The following CHTF8 variants were observed in gnomAD, a reference collection of about 807,000 sequenced individuals.
CHTF8 encodes the protein chromosome transmission fidelity protein 8 homolog.
Under a neutral mutation model 11.0 loss-of-function variants are expected in CHTF8, and 6 were observed. The ratio of observed to expected loss-of-function variants is 0.55; its 90% CI spans 0.30 to 1.08. CHTF8 has a LOEUF of 1.08. Ranked by LOEUF, CHTF8 falls within the 50% of genes least tolerant of loss-of-function variation. The pLI, the probability that CHTF8 is intolerant of heterozygous loss-of-function variation, is 0.07. For missense variants in CHTF8, 140 were observed against 153.1 expected, an observed-to-expected ratio of 0.91 and a Z score of 0.45; for synonymous variants, 53 against 60.5, an observed-to-expected ratio of 0.88 and a Z score of 0.57.
In CHTF8 at chr16:69,120,700, C is replaced by T. The variant is rs934473496; in HGVS notation, c.142-51G>A. The T allele has an allele frequency of 2.7e-6, 4 of 1,493,248 alleles. No homozygotes were observed. The South Asian group carries it at 4.8e-5, about 18-fold the overall frequency. 92.5% of individuals were successfully genotyped at this position (1,493,248 alleles called of 1,614,324 possible). On this transcript the variant is annotated intron_variant, in intron 3 of 3. Coordinates refer to ENST00000448552, the MANE Select transcript of CHTF8 (RefSeq NM_001039690.5). The surrounding 1 kb of genome is among the most constrained non-coding windows in gnomAD (Gnocchi z 4.0). ...CTGAGGTTCCGGGGCAAGGCCATAA[C>T]ACTCAGGCGCCTCCTAAAGCTGCTC...
In CHTF8 at chr16:69,120,518, G is replaced by A. The variant is rs1358330588; in HGVS notation, c.273C>T (p.Gly91=). 4 of 1,613,992 alleles carry A rather than the reference G, an allele frequency of 2.5e-6. No homozygotes were observed. Among genetic ancestry groups the A allele is most frequent in the African/African-American group, 2.7e-5 (2 of 74,892 alleles). The change falls in exon 4 of 4, where the codon GGC becomes GGT. Residue 91 remains glycine, a synonymous_variant. Coordinates refer to ENST00000448552, the MANE Select transcript of CHTF8 (RefSeq NM_001039690.5). This position sits in a 1 kb window ranked among gnomAD's most constrained non-coding sequence, Gnocchi z 4.0. ...QDCDELGRET[G]TRYLVTALIK... ...TGAGTGCTGTCACCAGGTACCGGGT[G>A]CCAGTCTCGCGGCCAAGCTCATCAC...
chr16:69,125,782 G>A (rs1962019956), intron 1 of CHTF8, among the ~76,000 whole-genome samples: 1 of 152,140 alleles, frequency 6.6e-6, no homozygotes, highest in Admixed American at 6.5e-5. Flanking sequence ...AAATCAGAAG[G>A]CCTAAATTTA....
At position 69,120,069 on chromosome 16, in the gene CHTF8, C is replaced by T. The variant is rs1276600970; in HGVS notation, c.*356G>A. 1.4e-6 allele frequency: 1 copy of T among 691,328 alleles called. No individual in the cohort carries two copies. The highest frequency in any genetic ancestry group is 1.5e-5 in the South Asian group (1 of 66,620). 42.8% of individuals were successfully genotyped at this position (691,328 alleles called of 1,614,324 possible). On this transcript the variant is annotated 3_prime_UTR_variant, in exon 4 of 4. Transcript: ENST00000448552. The surrounding 1 kb of genome is among the most constrained non-coding windows in gnomAD (Gnocchi z 4.0). ...GGGTGGGGCCTGGGCCTGGGCCTGG[C>T]CCCAAGAGGCCACCAGGCCTTGGGA...
Position 69,118,590 on chromosome 16 carries a change from G to A in CHTF8, c.*1835C>T. Reference sequence around the variant, plus strand: ...AGAAACAATGGGCAGAAAGCTGTGGGACGAAAGCACAGCAGGCTTCTGGGA... The same window carrying A: ...AGAAACAATGGGCAGAAAGCTGTGGAACGAAAGCACAGCAGGCTTCTGGGA... On this transcript the variant is annotated 3_prime_UTR_variant, in exon 4 of 4. Coordinates refer to ENST00000448552, the MANE Select transcript of CHTF8 (RefSeq NM_001039690.5). 2.7e-6 allele frequency: 2 copies of A among 728,608 alleles called. No homozygotes were observed. Among genetic ancestry groups the A allele is most frequent in the Non-Finnish European group, 5.0e-6 (2 of 400,820 alleles). The allele number at this position is 728,608 out of a possible 1,614,324, so 45.1% of individuals were successfully genotyped here. A position where few individuals can be genotyped will look rare whatever the true frequency, so the allele number is the denominator to read the frequency against.
intron 1 of CHTF8, among the ~76,000 whole-genome samples, chr16:69,128,803 C>T (rs1041945502): frequency 1.3e-5 from 2 of 152,174 alleles, no homozygotes; most frequent in African/African-American, 4.8e-5. Flanking sequence ...CGGTGGCTCA[C>T]GTCTATAATC....
Position 69,119,601 on chromosome 16 carries a change from G to A in CHTF8, c.*824C>T. On this transcript the variant is annotated 3_prime_UTR_variant, in exon 4 of 4. Coordinates refer to ENST00000448552, the MANE Select transcript of CHTF8 (RefSeq NM_001039690.5). ...AAAGACCTGCTGCTCTTAGAATGGG[G>A]GCAAGATCGAGGCCTTGAGGTCCAG... 1.4e-6 allele frequency: 1 copy of A among 699,634 alleles called. No homozygotes were observed. The highest frequency in any genetic ancestry group is 2.6e-6 in the Non-Finnish European group (1 of 382,884). The allele number at this position is 699,634 out of a possible 1,614,324, so 43.3% of individuals were successfully genotyped here. A position where few individuals can be genotyped will look rare whatever the true frequency, so the allele number is the denominator to read the frequency against.
intron 1 of CHTF8, among the ~76,000 whole-genome samples, chr16:69,128,716 T>C (rs954526942): frequency 3.9e-5 from 6 of 152,132 alleles, no homozygotes; most frequent in African/African-American, 1.2e-4. Flanking sequence ...CTCTAGAATA[T>C]ACCTTATTTA....
At chr16:69,128,182 G>A (rs193150613) in intron 1 of CHTF8, among the ~76,000 whole-genome samples, 5 of 152,282 alleles carry the variant, frequency 3.3e-5, no homozygotes, top group Non-Finnish European at 5.9e-5. Context: ...CAAAGTGCCA[G>A]GATTACAGGC....
At chr16:69,129,456 A>T (rs1962337538) in intron 1 of CHTF8, among the ~76,000 whole-genome samples, 1 of 151,718 alleles carries the variant, frequency 6.6e-6, no homozygotes, top group Admixed American at 6.6e-5. Flanking sequence ...AAAAAGGAAG[A>T]AAAGTAAAGT....
At chr16:69,130,015 A>C (rs1392324553) in intron 1 of CHTF8, among the ~76,000 whole-genome samples, 3 of 152,284 alleles carry the variant, frequency 2.0e-5, no homozygotes, top group Admixed American at 2.0e-4. Context: ...TCAAGAGAAT[A>C]GAGGACATTC....
chr16:69,129,181 A>G (rs1962308157), intron 1 of CHTF8, among the ~76,000 whole-genome samples: 1 of 152,178 alleles, frequency 6.6e-6, no homozygotes, highest in East Asian at 1.9e-4. Flanking sequence ...CTGTAATCCC[A>G]GCACTTTGGG....
At chr16:69,124,953 G>T (rs1961951347) in intron 1 of CHTF8, among the ~76,000 whole-genome samples, 1 of 152,026 alleles carries the variant, frequency 6.6e-6, no homozygotes, top group Admixed American at 6.6e-5. Flanking sequence ...TGCCCAGGCT[G>T]GAGTGCAATG....
chr16:69,127,601 C>CTTTTTTTTTTTT (rs71383961), intron 1 of CHTF8, among the ~76,000 whole-genome samples: 3 of 104,392 alleles, frequency 2.9e-5, no homozygotes, highest in African/African-American at 3.8e-5. Flanking sequence ...CTCCCGGCAA[C>CTTTTTTTTTTTT]TTTTTTTTTT....
At chr16:69,128,782 C>A (rs1424304453) in intron 1 of CHTF8, among the ~76,000 whole-genome samples, 6 of 151,838 alleles carry the variant, frequency 4.0e-5, no homozygotes, top group African/African-American at 1.2e-4. Context: ...TTATAAAAAA[C>A]CCGCCAGGCA....
intron 1 of CHTF8, among the ~76,000 whole-genome samples, chr16:69,124,423 A>T (rs1208228369): frequency 1.3e-5 from 2 of 149,968 alleles, no homozygotes; most frequent in African/African-American, 2.4e-5. Flanking sequence ...TGTTAAACAG[A>T]TTTTTTTTTT....
intron 1 of CHTF8, among the ~76,000 whole-genome samples, chr16:69,129,339 A>T (rs1196766300): frequency 1.3e-5 from 2 of 148,160 alleles, no homozygotes; most frequent in East Asian, 4.2e-4. Flanking sequence ...CTGAGGCAGG[A>T]GAATGGCGTG....
chr16:69,118,722 T>C lies in CHTF8; in HGVS notation c.*1703A>G. ...TCAAGAAAAACGCAAAGGAAAAAGA[T>C]GGCTCATTTGAACTTGAGCCCAAGC... On this transcript the variant is annotated 3_prime_UTR_variant, in exon 4 of 4. Coordinates refer to ENST00000448552, the MANE Select transcript of CHTF8 (RefSeq NM_001039690.5). 3.1e-6 allele frequency: 2 copies of C among 643,738 alleles called. No individual in the cohort carries two copies. The highest frequency in any genetic ancestry group is 2.4e-5 in the Admixed American group (1 of 41,552). 39.9% of individuals were successfully genotyped at this position (643,738 alleles called of 1,614,324 possible).
At position 69,121,145 on chromosome 16, in the gene CHTF8, A is replaced by T; in HGVS notation, c.49T>A (p.Trp17Arg). 2 of 1,613,306 alleles carry T rather than the reference A, an allele frequency of 1.2e-6. No homozygotes were observed. The highest frequency in any genetic ancestry group is 1.7e-6 in the Non-Finnish European group (2 of 1,179,964). Residue 17 changes from tryptophan to arginine, a missense_variant, in exon 3 of 4, where the codon TGG becomes AGG. Coordinates refer to ENST00000448552, the MANE Select transcript of CHTF8 (RefSeq NM_001039690.5). The part of the protein sequence containing the change: ...SSARAGGLAE[W>R]VLMELQGEIE... ...TCCCCCTGTAGCTCCATCAGCACCC[A>T]TTCTGCCAGGCCTCCAGCCCTCGCA...
chr16:69,118,436 C>G lies in CHTF8; in HGVS notation c.*1989G>C, dbSNP rs1961333224. 6.2e-7 allele frequency: 1 copy of G among 1,610,952 alleles called. No individual in the cohort carries two copies. Among genetic ancestry groups the G allele is most frequent in the Non-Finnish European group, 8.5e-7 (1 of 1,177,240 alleles). ...AGCTACGGAAGCATGGTCCGTTCACCAACGCCACGTTTCTAGAGAGCAGTG... is the reference window on the plus strand; with the variant it reads ...AGCTACGGAAGCATGGTCCGTTCACGAACGCCACGTTTCTAGAGAGCAGTG... On this transcript the variant is annotated 3_prime_UTR_variant, in exon 4 of 4. Transcript: ENST00000448552.
Sources: allele counts gnomAD v4.1 joint callset (sites outside exome capture counted in the v4.1 genomes callset), GRCh38; gene constraint gnomAD v4.1.1; non-coding constraint Gnocchi (gnomAD v3.1); transcripts MANE v1.5; gene names NCBI Gene and HGNC (gene_info 2026-07-23, HGNC 2026-07-21).